Variants in SPICE1 observed in about 807,000 individuals in gnomAD.
SPICE1 encodes spindle and centriole-associated protein 1.
SPICE1 carries 75 observed loss-of-function variants against 102.7 expected under a neutral mutation model. The ratio of observed to expected loss-of-function variants is 0.73; its 90% CI spans 0.61 to 0.88. The LOEUF is 0.88. Ranked by LOEUF, SPICE1 falls within the 40% of genes least tolerant of loss-of-function variation. The probability of loss-of-function intolerance (pLI) is 0.00; values close to 1 mark genes in which losing one functional copy is unlikely to be tolerated. For synonymous variants in SPICE1, 308 were observed against 350.3 expected, an observed-to-expected ratio of 0.88 and a Z score of 1.35; for missense variants, 979 against 1,020.1, an observed-to-expected ratio of 0.96 and a Z score of 0.55.
intron 14 of SPICE1, 23 bp from the exon 15 acceptor site, chr3:113,450,539 G>C: frequency 6.6e-7 from 1 of 1,507,472 alleles, no homozygotes; most frequent in East Asian, 2.3e-5. Context: ...AAAAAAAAAA[G>C]TACAAATTGA....
chr3:113,473,081 A>C (rs978872638), intron 7 of SPICE1, among the ~76,000 whole-genome samples: 5 of 152,216 alleles, frequency 3.3e-5, no homozygotes, highest in African/African-American at 1.2e-4. Context: ...CAATACAGAG[A>C]AGTGCTTAAA....
intron 1 of SPICE1, among the ~76,000 whole-genome samples, chr3:113,513,773 C>T (rs1471391421): frequency 6.6e-6 from 1 of 152,186 alleles, no homozygotes; most frequent in African/African-American, 2.4e-5. Context: ...TAATTAGTCT[C>T]CCTTTCACTC....
chr3:113,512,741 T>C (rs1937246111), intron 1 of SPICE1, among the ~76,000 whole-genome samples: 1 of 152,128 alleles, frequency 6.6e-6, no homozygotes, highest in African/African-American at 2.4e-5. Context: ...TCACAGGCTC[T>C]ATTGTCCTCC....
chr3:113,472,486 G>C (rs1196147563), intron 7 of SPICE1, among the ~76,000 whole-genome samples: 1 of 152,248 alleles, frequency 6.6e-6, no homozygotes, highest in Non-Finnish European at 1.5e-5. Context: ...GCCTCCTCAA[G>C]TGGGTCCCTG....
intron 4 of SPICE1, among the ~76,000 whole-genome samples, chr3:113,497,984 C>A (rs1247339837): frequency 6.6e-6 from 1 of 151,646 alleles, no homozygotes; most frequent in Non-Finnish European, 1.5e-5. Flanking sequence ...TCAAGCAATT[C>A]TCCCACCTCA....
At chr3:113,497,907 T>C (rs1936931830) in intron 4 of SPICE1, among the ~76,000 whole-genome samples, 1 of 150,704 alleles carries the variant, frequency 6.6e-6, no homozygotes, top group South Asian at 2.1e-4. Flanking sequence ...TTTGCTGTTG[T>C]TGTTTTTGAG....
chr3:113,509,544 G>C (rs1476392386), intron 1 of SPICE1, among the ~76,000 whole-genome samples: 1 of 152,146 alleles, frequency 6.6e-6, no homozygotes, highest in Non-Finnish European at 1.5e-5. Context: ...CTTCACATTT[G>C]ATCCCACAAC....
intron 12 of SPICE1, among the ~76,000 whole-genome samples, chr3:113,457,646 A>G (rs1437079389): frequency 6.6e-6 from 1 of 152,098 alleles, no homozygotes; most frequent in Non-Finnish European, 1.5e-5. Flanking sequence ...GTGGCATTCC[A>G]GAGTTTGTCT....
intron 4 of SPICE1, among the ~76,000 whole-genome samples, chr3:113,497,861 C>T (rs1936929388): frequency 6.6e-6 from 1 of 151,182 alleles, no homozygotes; most frequent in Admixed American, 6.6e-5. Context: ...TGCCACTGTA[C>T]CCAGCTAATC....
At position 113,489,008 on chromosome 3, in the gene SPICE1, T is replaced by C; in HGVS notation, c.548A>G (p.Glu183Gly). 1.2e-6 allele frequency: 2 copies of C among 1,613,800 alleles called. No homozygotes were observed. The highest frequency in any genetic ancestry group is 1.1e-5 in the South Asian group (1 of 91,076). ...EEGTVNSQSG[E>G]SENENELDNS... The stretch of plus-strand genomic sequence containing the variant: ...ATCCAACTCATTCTCATTCTCACTT[T>C]CTCCTGACTGGCTATTAACAGTTCC... The change falls in exon 7 of 18, where the codon GAA (glutamate) becomes GGA (glycine). Residue 183 changes from glutamate to glycine, a missense_variant. Coordinates refer to ENST00000295872, the MANE Select transcript of SPICE1 (RefSeq NM_144718.4).
Position 113,462,327 on chromosome 3 carries a change from C to G in SPICE1, c.1288-1563G>C, listed in dbSNP as rs531795607. On this transcript the variant is annotated intron_variant, in intron 11 of 17. Coordinates refer to ENST00000295872, the MANE Select transcript of SPICE1 (RefSeq NM_144718.4). ...CACTAAAGTGAACTTACAGGGGCAC[C>G]GGGGAAAATTTAAATCTTCAAGGGA... 1.1e-3 allele frequency among the ~76,000 whole-genome samples: 166 copies of G among 152,244 alleles called. 1 individual carries two copies. The highest frequency in any genetic ancestry group is 3.9e-3 in the African/African-American group (160 of 41,530).
At chr3:113,503,077 G>A in intron 3 of SPICE1, 103 bp downstream of exon 3, 2 of 1,218,796 alleles carry the variant, frequency 1.6e-6, no homozygotes, top group Admixed American at 2.3e-5. Flanking sequence ...AAACATAACT[G>A]AACAACTTCC....
At chr3:113,514,816 C>G in intron 1 of SPICE1, 81 bp downstream of exon 1, 1 of 1,262,528 alleles carries the variant, frequency 7.9e-7, no homozygotes, top group Non-Finnish European at 1.0e-6. Flanking sequence ...GCAAAAGCTC[C>G]CGAAAGCGGT....
intron 3 of SPICE1, among the ~76,000 whole-genome samples, chr3:113,499,937 T>C (rs1936976262): frequency 6.6e-6 from 1 of 152,154 alleles, no homozygotes; most frequent in African/African-American, 2.4e-5. Flanking sequence ...AGCATTTTTT[T>C]TTAACATACA....
At chr3:113,501,563 CAAT>C (rs770077635) in intron 3 of SPICE1, among the ~76,000 whole-genome samples, 73 of 152,190 alleles carry the variant, frequency 4.8e-4, no homozygotes, top group Non-Finnish European at 8.5e-4. Flanking sequence ...TATAACTCAA[CAAT>C]AAAAGCACAA....
At chr3:113,453,283 A>G (rs1366368793) in intron 14 of SPICE1, among the ~76,000 whole-genome samples, 183 bp downstream of exon 14, 3 of 152,070 alleles carry the variant, frequency 2.0e-5, no homozygotes, top group African/African-American at 7.2e-5. Context: ...GCTGTCTTGT[A>G]TTGTATGTAC....
At chr3:113,457,395 AAAAG>A (rs767669878) in intron 12 of SPICE1, 38 bp from the exon 13 acceptor site, 15 of 1,594,996 alleles carry the variant, frequency 9.4e-6, no homozygotes, top group Admixed American at 5.1e-5. Context: ...AATAGGAACA[AAAAG>A]AAACTATGAG....
chr3:113,515,086 G>C lies in SPICE1; in HGVS notation c.-190C>G, dbSNP rs1937297364. ...ATCCATCATCTCAACCTGCCTTGCA[G>C]TCGGTCCCGACTGCCGCCGCCACCG... On this transcript the variant is annotated 5_prime_UTR_variant, in exon 1 of 18. Transcript: ENST00000295872. The C allele has an allele frequency of 5.6e-6, 1 of 178,106 alleles. No individual in the cohort carries two copies. Among genetic ancestry groups the C allele is most frequent in the Non-Finnish European group, 1.2e-5 (1 of 83,938 alleles). The allele number at this position is 178,106 out of a possible 1,614,324, so 11.0% of individuals were successfully genotyped here. A position where few individuals can be genotyped will look rare whatever the true frequency, so the allele number is the denominator to read the frequency against.
chr3:113,493,930 C>T, intron 5 of SPICE1, 119 bp downstream of exon 5: 2 of 639,284 alleles, frequency 3.1e-6, no homozygotes, highest in Middle Eastern at 5.2e-4. Context: ...TGTAAATCCA[C>T]CCTACAATAC....
Sources: allele counts gnomAD v4.1 joint callset (sites outside exome capture counted in the v4.1 genomes callset), GRCh38; gene constraint gnomAD v4.1.1; transcripts MANE v1.5; gene names NCBI Gene and HGNC (gene_info 2026-07-23, HGNC 2026-07-21).